The following PDE10A variants were observed in gnomAD, a reference collection of about 807,000 sequenced individuals.
The protein encoded by PDE10A is cAMP and cAMP-inhibited cGMP 3',5'-cyclic phosphodiesterase 10A.
In PDE10A, 39 loss-of-function variants were observed where a neutral mutation model predicts 97.7. The ratio of observed to expected loss-of-function variants is 0.40; its 90% CI spans 0.31 to 0.52. The LOEUF (loss-of-function observed/expected upper bound fraction) is 0.52. PDE10A is among the 20% of genes least tolerant of loss of function. PDE10A has a pLI of 0.56. For synonymous variants in PDE10A, 371 were observed against 376.8 expected (o/e 0.98, Z 0.18); for missense variants, 731 against 1,047.8 (o/e 0.70, Z 4.17).
intron 1 of PDE10A, among the ~76,000 whole-genome samples, chr6:165,837,721 C>T (rs898533984): frequency 7.2e-6 from 1 of 139,162 alleles, no homozygotes; most frequent in African/African-American, 2.8e-5. Context: ...AGTCTCACTC[C>T]GTCGCCCAGG....
chr6:165,954,447 G>A (rs143432580), intron 1 of PDE10A, among the ~76,000 whole-genome samples: 2 of 152,246 alleles, frequency 1.3e-5, no homozygotes, highest in East Asian at 1.9e-4. Flanking sequence ...ACAGTTTAAC[G>A]TCTACCTACG....
chr6:165,919,936 T>G (rs1469906634), intron 1 of PDE10A, among the ~76,000 whole-genome samples: 1 of 152,222 alleles, frequency 6.6e-6, no homozygotes, highest in Non-Finnish European at 1.5e-5. Context: ...ACCCTTCATA[T>G]TCCTTAGAGT....
At chr6:165,400,206 T>C (rs2128220235) in intron 13 of PDE10A, among the ~76,000 whole-genome samples, 1 of 151,818 alleles carries the variant, frequency 6.6e-6, no homozygotes, top group Non-Finnish European at 1.5e-5. Flanking sequence ...AATATAGACT[T>C]AACTATAGAA....
chr6:165,806,041 T>A (rs1304572097), intron 1 of PDE10A, among the ~76,000 whole-genome samples: 37 of 77,720 alleles, frequency 4.8e-4, no homozygotes, highest in African/African-American at 2.3e-3. Flanking sequence ...TGCTTGATTA[T>A]TAAAAAAAAA....
At chr6:165,405,310 T>G (rs1787050078) in intron 13 of PDE10A, among the ~76,000 whole-genome samples, 1 of 152,220 alleles carries the variant, frequency 6.6e-6, no homozygotes. Flanking sequence ...CTATAGGCTC[T>G]TCCTTGCTAT....
intron 1 of PDE10A, among the ~76,000 whole-genome samples, chr6:165,826,425 C>T (rs1779751190): frequency 6.6e-6 from 1 of 150,696 alleles, no homozygotes; most frequent in Admixed American, 6.6e-5. Flanking sequence ...CCTGGTATCC[C>T]TCTGTCCTTA....
rs1413899817 is a variant in PDE10A, at chr6:165,327,354, TAAATA to T, written c.*5666_*5670del. On this transcript the variant is annotated 3_prime_UTR_variant, in exon 22 of 22. Transcript: ENST00000539869. Reference sequence around the variant, plus strand: ...TATCCATTAAAATTATGAACATTTCTAAATATATTTCATGTATCATACATATATAT... The same window carrying T: ...TATCCATTAAAATTATGAACATTTCTTATTTCATGTATCATACATATATAT... 6.6e-6 allele frequency: 1 copy of T among 152,200 alleles called. No homozygotes were observed. Among genetic ancestry groups the T allele is most frequent in the African/African-American group, 2.4e-5 (1 of 41,464 alleles). The allele number at this position is 152,200 out of a possible 1,614,324, so 9.4% of individuals were successfully genotyped here. A position where few individuals can be genotyped will look rare whatever the true frequency, so the allele number is the denominator to read the frequency against.
chr6:165,803,476 G>GA (rs1562744520), intron 1 of PDE10A, among the ~76,000 whole-genome samples: 1 of 152,198 alleles, frequency 6.6e-6, no homozygotes, highest in South Asian at 2.1e-4. Context: ...TGGTGGGAAA[G>GA]AAAAAACTTA....
Position 165,951,181 on chromosome 6 carries a change from C to T in PDE10A, c.-615+36348G>A, listed in dbSNP as rs532736995. On this transcript the variant is annotated intron_variant, in intron 1 of 19. Coordinates refer to the PDE10A transcript ENST00000366882. The stretch of plus-strand genomic sequence containing the variant: ...CTACCTCCGAACTGATACAAAGTCA[C>T]GCTAGATTTGCCAGTTCTGTAAAGT... Among the ~76,000 whole-genome samples the T allele has an allele frequency of 2.0e-4, 31 of 152,278 alleles. 2 individuals carry two copies. The highest frequency in any genetic ancestry group is 8.3e-4 in the South Asian group (4 of 4,830).
intron 1 of PDE10A, among the ~76,000 whole-genome samples, chr6:165,974,099 A>T (rs1189674319): frequency 1.3e-5 from 2 of 152,236 alleles, no homozygotes; most frequent in Admixed American, 6.5e-5. Context: ...TACTGATATC[A>T]CTAGTAGCTA....
At chr6:165,578,831 C>CTT (rs755077121) in intron 1 of PDE10A, among the ~76,000 whole-genome samples, 1 of 152,282 alleles carries the variant, frequency 6.6e-6, no homozygotes, top group South Asian at 2.1e-4. Context: ...TGCTGCTCCC[C>CTT]TTAAGGGAAG....
At chr6:165,775,266 G>A (rs1778148184) in intron 1 of PDE10A, 1 of 152,202 alleles carries the variant, frequency 6.6e-6, no homozygotes, top group Non-Finnish European at 1.5e-5. Flanking sequence ...CAAGAACGGT[G>A]ATATCATAAT....
At chr6:165,612,766 T>A (rs1787556903) in intron 1 of PDE10A, among the ~76,000 whole-genome samples, 1 of 152,308 alleles carries the variant, frequency 6.6e-6, no homozygotes, top group African/African-American at 2.4e-5. Context: ...CAAGACTGTC[T>A]CGCCTCACCA....
intron 2 of PDE10A, among the ~76,000 whole-genome samples, chr6:165,495,059 C>T (rs536885070): frequency 3.5e-4 from 53 of 152,288 alleles, no homozygotes; most frequent in African/African-American, 1.2e-3. Flanking sequence ...CTCCCACCAG[C>T]CATTTCTAGC....
chr6:165,582,201 C>T (rs1164448378), intron 1 of PDE10A, among the ~76,000 whole-genome samples: 1 of 152,094 alleles, frequency 6.6e-6, no homozygotes, highest in East Asian at 1.9e-4. Flanking sequence ...TACAGAAGTA[C>T]AGTGCTAATA....
At chr6:165,893,138 A>G (rs1160495135) in intron 1 of PDE10A, among the ~76,000 whole-genome samples, 1 of 152,234 alleles carries the variant, frequency 6.6e-6, no homozygotes, top group African/African-American at 2.4e-5. Flanking sequence ...CAAAAATTAT[A>G]TAAAGCATTC....
At chr6:165,703,369 G>A (rs1395617116) in intron 1 of PDE10A, among the ~76,000 whole-genome samples, 3 of 152,130 alleles carry the variant, frequency 2.0e-5, no homozygotes, top group South Asian at 2.1e-4. Flanking sequence ...ATTTCGCCAC[G>A]TTTTAGAGTT....
In PDE10A at chr6:165,379,385, T is replaced by G. The variant is rs201480437; in HGVS notation, c.2611-19A>C. ...CTTCCAACTAGGGAAAAAATACAAA[T>G]AAAAACCACCAATAACAAGCACAAG... On this transcript the variant is annotated intron_variant, in intron 17 of 21. Transcript: ENST00000539869. The G allele has an allele frequency of 2.0e-4, 324 of 1,590,456 alleles. 3 individuals are homozygous for G. The East Asian group carries it at 7.2e-3, about 35-fold the overall frequency.
At chr6:165,802,917 T>C (rs1015604362) in intron 1 of PDE10A, among the ~76,000 whole-genome samples, 2 of 152,236 alleles carry the variant, frequency 1.3e-5, no homozygotes, top group African/African-American at 2.4e-5. Flanking sequence ...ACGTACCACA[T>C]ACAGCAACTT....
Sources: gnomAD v4.1 joint callset for allele counts (sites outside exome capture counted in the v4.1 genomes callset) on GRCh38, gnomAD v4.1.1 for gene constraint, MANE v1.5 for transcripts, NCBI Gene and HGNC (gene_info 2026-07-23, HGNC 2026-07-21) for gene names.